The following ARHGAP27 variants were observed in gnomAD, a reference collection of about 807,000 sequenced individuals.
The protein encoded by ARHGAP27 is Rho GTPase activating protein 27, also known as rho GTPase-activating protein 27.
ARHGAP27 carries 53 observed loss-of-function variants against 102.0 expected under a neutral mutation model. The ratio of observed to expected loss-of-function variants is 0.52; its 90% confidence interval spans 0.42 to 0.65. The LOEUF (loss-of-function observed/expected upper bound fraction) is 0.65. Ranked by LOEUF, ARHGAP27 falls within the 30% of genes least tolerant of loss-of-function variation. The pLI is 0.00. For missense variants in ARHGAP27, 1,117 were observed against 1,256.2 expected (o/e 0.89, Z 1.68); for synonymous variants, 525 against 542.8 (o/e 0.97, Z 0.46).
chr17:45,409,362 C>G (rs2047622633), intron 4 of ARHGAP27: 1 of 152,302 alleles, frequency 6.6e-6, no homozygotes, highest in Admixed American at 6.5e-5. Context: ...ATGTCCCCAG[C>G]AGGTACAGAG....
intron 11 of ARHGAP27, 113 bp from the exon 12 acceptor site, chr17:45,402,931 G>A (rs1401791132): frequency 2.1e-6 from 2 of 932,750 alleles, no homozygotes; most frequent in Non-Finnish European, 3.4e-6. Context: ...AACAACTCTG[G>A]GGAAAAGTGC....
At chr17:45,410,681 C>T (rs1034087805) in intron 4 of ARHGAP27, among the ~76,000 whole-genome samples, 8 of 151,864 alleles carry the variant, frequency 5.3e-5, no homozygotes, top group Non-Finnish European at 8.8e-5. Context: ...GAGGGGCGCG[C>T]TTGCACAGAC....
At position 45,405,739 on chromosome 17, in the gene ARHGAP27, G is replaced by C. The variant is rs752707765; in HGVS notation, c.1002C>G (p.Asn334Lys). 1.2e-6 allele frequency: 2 copies of C among 1,602,006 alleles called. No individual in the cohort carries two copies. The highest frequency in any genetic ancestry group is 2.2e-5 in the South Asian group (2 of 90,804). Reference protein sequence around the residue: ...GETAWEDEAENEPEEELEMQP... With the variant: ...GETAWEDEAEKEPEEELEMQP... ...GCATCTCCAACTCCTCCTCGGGCTC[G>C]TTCTCGGCCTCGTCCTCCCAGGCCG... is the stretch of plus-strand genomic sequence containing the variant. The change falls in exon 5 of 20, where the codon AAC (asparagine) becomes AAG (lysine). Residue 334 changes from asparagine to lysine, a missense_variant. Coordinates refer to ENST00000685559, the MANE Select transcript of ARHGAP27 (RefSeq NM_001282290.2).
intron 4 of ARHGAP27, among the ~76,000 whole-genome samples, chr17:45,416,868 T>C (rs2048514193): frequency 6.8e-6 from 1 of 147,710 alleles, no homozygotes; most frequent in Non-Finnish European, 1.5e-5. Flanking sequence ...CTTAAAAATA[T>C]TATTGGCCGG....
chr17:45,410,265 C>G (rs1456624430), intron 4 of ARHGAP27: 1 of 1,533,240 alleles, frequency 6.5e-7, no homozygotes, highest in Non-Finnish European at 8.7e-7. Flanking sequence ...GCCTCCTGGT[C>G]ACTTTGGCGA....
intron 8 of ARHGAP27, 36 bp from the exon 9 acceptor site, chr17:45,404,370 TCCTCCCAGGAACTCCAGAAGCC>T: frequency 6.2e-7 from 1 of 1,613,596 alleles, no homozygotes; most frequent in Non-Finnish European, 8.5e-7. Flanking sequence ...ACCAAGTCCC[TCCTCCCAGGAACTCCAGAAGCC>T]CCCCACTGCT....
In ARHGAP27 at chr17:45,396,727, C is replaced by G. The variant is rs750936457; in HGVS notation, c.2015G>C (p.Arg672Pro). ...TGTGGGCCGCCTCTGGAGGAACTTG[C>G]GGAGCTTGTGCCGGACCTTGCTCAA... ...SDLSKVRHKL[R>P]KFLQRRPTLQ... The change falls in exon 15 of 20, where the codon CGC (arginine) becomes CCC (proline). Residue 672 changes from arginine to proline, a missense_variant. Arg to Pro is a moderately radical substitution (Grantham distance 103, BLOSUM62 -2). This residue lies in a region of ARHGAP27 where 493 missense variants were observed against 505.5 expected (regional missense o/e 0.98). Coordinates refer to ENST00000685559, the MANE Select transcript of ARHGAP27 (RefSeq NM_001282290.2). 6.2e-7 allele frequency: 1 copy of G among 1,613,844 alleles called. No homozygotes were observed. Among genetic ancestry groups the G allele is most frequent in the Non-Finnish European group, 8.5e-7 (1 of 1,179,804 alleles).
rs1012192355 is a variant in ARHGAP27, at chr17:45,395,778, C to T, written c.2458G>A (p.Asp820Asn). 6.9e-6 allele frequency: 11 copies of T among 1,603,714 alleles called. No individual in the cohort carries two copies. Among genetic ancestry groups the T allele is most frequent in the African/African-American group, 1.3e-5 (1 of 74,790 alleles). The change falls in exon 19 of 20, where the codon GAC becomes AAC. Residue 820 changes from aspartate (D) to asparagine (N), a missense_variant. By Grantham distance (23) the Asp-to-Asn change is conservative (BLOSUM62 1). This residue lies in a region of ARHGAP27 where 493 missense variants were observed against 505.5 expected (regional missense o/e 0.98). Coordinates refer to ENST00000685559, the MANE Select transcript of ARHGAP27 (RefSeq NM_001282290.2). ...LVRSLPAPNH[D>N]TLRMLFQHLC... is the part of the protein sequence containing the mutation. ...TGCTGGAAGAGCATCCGCAGAGTGT[C>T]GTGGTTGGGAGCGGGCAGCGAGCGC...
intron 4 of ARHGAP27, among the ~76,000 whole-genome samples, chr17:45,420,947 T>A (rs2048975925): frequency 3.4e-5 from 2 of 59,148 alleles, no homozygotes; most frequent in East Asian, 3.7e-4. Context: ...CAAGACTCCA[T>A]CTCAAAAAAA....
rs1006153832 is a variant in ARHGAP27, at chr17:45,432,818, C to T, written c.-351G>A. On this transcript the variant is annotated 5_prime_UTR_variant, in exon 1 of 20. Transcript: ENST00000685559. The stretch of plus-strand genomic sequence containing the variant: ...GCAGGCGCGCGTGGGCTCGGCGTCC[C>T]GCGCTCCCTCCTCGACTGTGCGGCT... The T allele has an allele frequency of 6.5e-6, 1 of 152,766 alleles. No homozygotes were observed. Among genetic ancestry groups the T allele is most frequent in the South Asian group, 2.1e-4 (1 of 4,840 alleles). 9.5% of individuals were successfully genotyped at this position (152,766 alleles called of 1,614,324 possible).
At position 45,397,929 on chromosome 17, in the gene ARHGAP27, A is replaced by G; in HGVS notation, c.1842+20T>C. On this transcript the variant is annotated intron_variant, in intron 13 of 19. Transcript: ENST00000685559. The stretch of plus-strand genomic sequence containing the variant: ...GCCACCCCCTCCCCACTGCCCCTAG[A>G]GGCCCTGGGCTCTGCTTACCAGCTC... The G allele has an allele frequency of 6.3e-7, 1 of 1,582,386 alleles. No individual in the cohort carries two copies.
At position 45,396,253 on chromosome 17, in the gene ARHGAP27, A is replaced by G; in HGVS notation, c.2205T>C (p.Ser735=). Residue 735 remains serine (S), a synonymous_variant, in exon 17 of 20, where the codon AGT becomes AGC. Transcript: ENST00000685559. ...GLDIDGLYRI[S]GNLATIQKLR... ...GCTTCTGGATGGTGGCCAGGTTTCC[A>G]CTGATGCGGTACAGCCCGTCGATGT... The G allele has an allele frequency of 6.2e-7, 1 of 1,613,480 alleles. No homozygotes were observed. Among genetic ancestry groups the G allele is most frequent in the East Asian group, 2.2e-5 (1 of 44,872 alleles).
At chr17:45,409,271 A>T (rs2047605690) in intron 4 of ARHGAP27, 1 of 152,278 alleles carries the variant, frequency 6.6e-6, no homozygotes, top group Admixed American at 6.6e-5. Flanking sequence ...AGGAATTTCT[A>T]CTTGGCAGGC....
chr17:45,410,356 C>T, intron 4 of ARHGAP27: 1 of 1,407,530 alleles, frequency 7.1e-7, no homozygotes. Flanking sequence ...AGGGGCACTA[C>T]CCCAGTGCTG....
intron 4 of ARHGAP27, 107 bp downstream of exon 4, chr17:45,429,516 C>T (rs754549838): frequency 6.6e-7 from 1 of 1,525,868 alleles, no homozygotes; most frequent in East Asian, 2.4e-5. Context: ...CAGAGGTGGG[C>T]GTCGTGCCCG....
chr17:45,423,079 G>C (rs2144966908), intron 4 of ARHGAP27, among the ~76,000 whole-genome samples: 1 of 152,224 alleles, frequency 6.6e-6, no homozygotes, highest in South Asian at 2.1e-4. Flanking sequence ...TACTCAGGAG[G>C]CTGAGGCAGG....
intron 4 of ARHGAP27, among the ~76,000 whole-genome samples, chr17:45,410,840 A>G (rs897158705): frequency 2.0e-5 from 3 of 151,610 alleles, no homozygotes; most frequent in Non-Finnish European, 2.9e-5. Flanking sequence ...GGGGGAGGGG[A>G]AGAGTTCCCA....
At chr17:45,404,826 T>C (rs2046932106) in intron 6 of ARHGAP27, 98 bp downstream of exon 6, 3 of 1,565,198 alleles carry the variant, frequency 1.9e-6, no homozygotes, top group Non-Finnish European at 1.7e-6. Context: ...AGGCTCTGTG[T>C]GGGAGCTGCG....
intron 12 of ARHGAP27, chr17:45,401,449 T>C (rs1022079999): frequency 6.6e-6 from 1 of 152,262 alleles, no homozygotes; most frequent in African/African-American, 2.4e-5. Flanking sequence ...GCTTTATAGA[T>C]ATCCTGGCTC....
Sources: allele counts gnomAD v4.1 joint callset (sites outside exome capture counted in the v4.1 genomes callset), GRCh38; gene constraint gnomAD v4.1.1; regional missense constraint gnomAD v4.1.1; transcripts MANE v1.5; gene names NCBI Gene and HGNC (gene_info 2026-07-23, HGNC 2026-07-21).